The following RGS7 variants were observed in gnomAD, a reference collection of about 807,000 sequenced individuals.
The protein encoded by RGS7 is regulator of G protein signaling 7.
A neutral mutation model predicts 81.1 loss-of-function variants in RGS7; 27 were observed. The observed-to-expected ratio is 0.33, with a 90% CI of 0.25 to 0.46. The LOEUF (loss-of-function observed/expected upper bound fraction) is 0.46, where lower values mean the gene tolerates loss of function less well. RGS7 is among the 20% of genes least tolerant of loss of function. RGS7 has a pLI of 1.00. For synonymous variants in RGS7, 208 were observed against 207.7 expected (o/e 1.00, Z -0.01); for missense variants, 396 against 607.4 (o/e 0.65, Z 3.66).
intron 2 of RGS7, among the ~76,000 whole-genome samples, chr1:241,139,399 A>AC (rs1486358164): frequency 6.6e-6 from 1 of 152,100 alleles, no homozygotes; most frequent in Non-Finnish European, 1.5e-5. Context: ...ACCAGTTGTG[A>AC]CACAAGTTAG....
intron 2 of RGS7, among the ~76,000 whole-genome samples, chr1:241,100,299 C>A (rs1054132318): frequency 2.1e-5 from 3 of 144,860 alleles, no homozygotes. Flanking sequence ...GGAGTGAACC[C>A]AGGAGGCAGA....
chr1:241,269,884 CTG>C (rs1453772049), intron 2 of RGS7, among the ~76,000 whole-genome samples: 6 of 152,196 alleles, frequency 3.9e-5, no homozygotes, highest in Admixed American at 3.9e-4. Flanking sequence ...CCATTTAGGA[CTG>C]TGCACTCAAA....
At chr1:240,893,538 CCTT>C (rs1668586199) in intron 6 of RGS7, among the ~76,000 whole-genome samples, 1 of 151,956 alleles carries the variant, frequency 6.6e-6, no homozygotes, top group African/African-American at 2.4e-5. Context: ...GTCTTAATAT[CCTT>C]CTATTTGAAA....
chr1:240,784,324 T>G (rs1053381726), intron 18 of RGS7, among the ~76,000 whole-genome samples: 2 of 150,848 alleles, frequency 1.3e-5, no homozygotes, highest in Admixed American at 6.6e-5. Context: ...CAGAGAAGAG[T>G]AGAAAGTTAT....
intron 2 of RGS7, among the ~76,000 whole-genome samples, chr1:241,125,578 G>T (rs4131804): frequency 0.4 from 60,551 of 152,062 alleles, 15,757 homozygotes; most frequent in African/African-American, 0.75. Flanking sequence ...CAAGGAATTT[G>T]CCCAACAAAG....
At chr1:240,849,559 G>A (rs955335637) in intron 9 of RGS7, among the ~76,000 whole-genome samples, 1 of 152,176 alleles carries the variant, frequency 6.6e-6, no homozygotes, top group African/African-American at 2.4e-5. Flanking sequence ...TGGAGGTGGG[G>A]TCTGGTGGGA....
intron 2 of RGS7, among the ~76,000 whole-genome samples, chr1:241,246,949 A>T (rs1446363339): frequency 6.6e-6 from 1 of 151,934 alleles, no homozygotes; most frequent in Non-Finnish European, 1.5e-5. Flanking sequence ...CAAGGGAAGG[A>T]ATTAGTTTAA....
chr1:241,009,669 C>T (rs2058854532), intron 3 of RGS7, among the ~76,000 whole-genome samples: 1 of 152,180 alleles, frequency 6.6e-6, no homozygotes, highest in African/African-American at 2.4e-5. Context: ...TGTAGATAAA[C>T]TGACACACGA....
chr1:241,276,296 A>G (rs929145589), intron 2 of RGS7, among the ~76,000 whole-genome samples: 3 of 152,232 alleles, frequency 2.0e-5, no homozygotes, highest in African/African-American at 4.8e-5. Context: ...AAAACAGTCT[A>G]TCAAGGGTTC....
At chr1:240,989,311 G>A (rs184201805) in intron 3 of RGS7, among the ~76,000 whole-genome samples, 8 of 151,646 alleles carry the variant, frequency 5.3e-5, no homozygotes, top group Middle Eastern at 3.4e-3. Context: ...ATGATGTTGC[G>A]TGCCTGTAAT....
chr1:240,917,864 G>T (rs1672853374), intron 6 of RGS7, among the ~76,000 whole-genome samples: 1 of 152,100 alleles, frequency 6.6e-6, no homozygotes, highest in Non-Finnish European at 1.5e-5. Flanking sequence ...CTGTTTAGAA[G>T]AAACTTGCTT....
intron 9 of RGS7, among the ~76,000 whole-genome samples, chr1:240,833,401 T>G (rs952153263): frequency 1.3e-5 from 2 of 152,190 alleles, no homozygotes; most frequent in African/African-American, 4.8e-5. Context: ...CAGTTGACTG[T>G]GGGTAACTGA....
At position 241,144,926 on chromosome 1, in the gene RGS7, GGT is replaced by G. The variant is rs58610723; in HGVS notation, c.79-46166_79-46165del. ...TCAGTATGTGTTGGCAGGGCAGGAT[GGT>G]GTGTGTGTGTGTGTGTGTGTGTGTG... On this transcript the variant is annotated intron_variant, in intron 2 of 18. Coordinates refer to ENST00000440928, the MANE Select transcript of RGS7 (RefSeq NM_001364886.1). The surrounding 1 kb of genome is among the most constrained non-coding windows in gnomAD (Gnocchi z 4.7). Among the ~76,000 whole-genome samples the G allele has an allele frequency of 0.13, 18,592 of 141,452 alleles. 1,591 individuals carry two copies. The highest frequency in any genetic ancestry group is 0.24 in the African/African-American group (9,114 of 37,354). The allele number at this position is 141,452 out of a possible 152,430, so 92.8% of individuals were successfully genotyped here. A position where few individuals can be genotyped will look rare whatever the true frequency, so the allele number is the denominator to read the frequency against.
intron 2 of RGS7, among the ~76,000 whole-genome samples, chr1:241,101,499 A>C (rs1422450244): frequency 1.3e-5 from 2 of 152,122 alleles, no homozygotes; most frequent in Admixed American, 6.5e-5. Context: ...TCACCTCAAA[A>C]ACAAAAAATA....
At chr1:240,975,675 T>C (rs1397405501) in intron 4 of RGS7, among the ~76,000 whole-genome samples, 1 of 152,224 alleles carries the variant, frequency 6.6e-6, no homozygotes, top group Non-Finnish European at 1.5e-5. Flanking sequence ...TCTTGAAGCT[T>C]TTTATTTTGA....
chr1:241,098,217 G>A (rs961489550), intron 3 of RGS7, among the ~76,000 whole-genome samples: 4 of 152,092 alleles, frequency 2.6e-5, no homozygotes, highest in Non-Finnish European at 4.4e-5. Context: ...TGTCGAGTTC[G>A]GTGAGCACAG....
intron 6 of RGS7, among the ~76,000 whole-genome samples, chr1:240,911,863 C>T (rs770514789): frequency 1.3e-5 from 2 of 151,684 alleles, no homozygotes; most frequent in African/African-American, 4.8e-5. Context: ...ATTTTCTGGC[C>T]GGGCGCAGTG....
rs1413156228 is a variant in RGS7, at chr1:241,113,511, T to G, written c.79-14749A>C. 3.9e-5 allele frequency among the ~76,000 whole-genome samples: 6 copies of G among 152,322 alleles called. No homozygotes were observed. The East Asian group carries it at 1.2e-3, about 29-fold the overall frequency. On this transcript the variant is annotated intron_variant, in intron 2 of 18. Transcript: ENST00000440928. ...GGAATAATGAAAAACAATAGGTTTT[T>G]TATTGTTTTAAAGAAAAAATTAAAA...
chr1:240,893,936 T>C (rs1011699237), intron 6 of RGS7, among the ~76,000 whole-genome samples: 4 of 152,200 alleles, frequency 2.6e-5, no homozygotes, highest in African/African-American at 9.6e-5. Context: ...TCCAAACTGC[T>C]TCTCGAATCT....
Sources: allele counts gnomAD v4.1 joint callset (sites outside exome capture counted in the v4.1 genomes callset), GRCh38; gene constraint gnomAD v4.1.1; non-coding constraint Gnocchi (gnomAD v3.1); transcripts MANE v1.5; gene names NCBI Gene and HGNC (gene_info 2026-07-23, HGNC 2026-07-21).